The following TCEA1 variants were observed in gnomAD, a reference collection of about 807,000 sequenced individuals.
TCEA1 encodes the protein transcription elongation factor A1.
TCEA1 carries 21 observed loss-of-function variants against 43.8 expected under a neutral mutation model. That is an observed-to-expected ratio of 0.48 (90% CI 0.34 to 0.69). The LOEUF is 0.69. Among genes scored for constraint, TCEA1 ranks in the 30% least tolerant of loss-of-function variants. The probability of loss-of-function intolerance (pLI) is 0.01; values close to 1 mark genes in which losing one functional copy is unlikely to be tolerated. For synonymous variants in TCEA1, 104 were observed against 117.5 expected (o/e 0.88, Z 0.75); for missense variants, 250 against 365.1 (o/e 0.68, Z 2.57).
chr8:54,022,002 C>A (rs1233417006), intron 1 of TCEA1, 61 bp downstream of exon 1: 3 of 1,439,228 alleles, frequency 2.1e-6, no homozygotes, highest in Non-Finnish European at 2.8e-6. Context: ...GAGGGGGCGG[C>A]CCCCTCGGGC....
intron 8 of TCEA1, 92 bp from the exon 9 acceptor site, chr8:53,970,555 A>C: frequency 1.6e-6 from 1 of 633,002 alleles, no homozygotes; most frequent in East Asian, 2.9e-5. Flanking sequence ...TATTTAATAA[A>C]TATAATGGTA....
chr8:54,010,101 C>T (rs1255997016), intron 2 of TCEA1: 1 of 229,172 alleles, frequency 4.4e-6, no homozygotes, highest in Non-Finnish European at 8.4e-6. Context: ...TAGCTTCATG[C>T]TGGCAGCAGC....
At chr8:54,014,232 A>G (rs1213336015) in intron 1 of TCEA1, among the ~76,000 whole-genome samples, 1 of 152,182 alleles carries the variant, frequency 6.6e-6, no homozygotes, top group African/African-American at 2.4e-5. Flanking sequence ...CGCCAGTGGC[A>G]GCACTCCTTT....
At chr8:53,983,532 G>A (rs1339002603) in intron 7 of TCEA1, among the ~76,000 whole-genome samples, 2 of 152,230 alleles carry the variant, frequency 1.3e-5, no homozygotes, top group Non-Finnish European at 2.9e-5. Flanking sequence ...GCTCACGCCT[G>A]TGATCCCAGC....
chr8:53,985,173 T>C (rs10102726), intron 6 of TCEA1, among the ~76,000 whole-genome samples: 25,347 of 151,948 alleles, frequency 0.17, 5,974 homozygotes, highest in African/African-American at 0.53. Context: ...CCTGCCACCA[T>C]GCCCGGCTAA....
chr8:53,975,684 T>C (rs1052238302), intron 8 of TCEA1, among the ~76,000 whole-genome samples: 1 of 152,206 alleles, frequency 6.6e-6, no homozygotes, highest in Non-Finnish European at 1.5e-5. Flanking sequence ...GTACTTGGTA[T>C]AGTCAAATTC....
At chr8:54,009,086 G>A (rs919313974) in intron 2 of TCEA1, among the ~76,000 whole-genome samples, 1 of 151,588 alleles carries the variant, frequency 6.6e-6, no homozygotes, top group Non-Finnish European at 1.5e-5. Flanking sequence ...CTAGCCTCAG[G>A]TGATCCACCC....
intron 9 of TCEA1, 145 bp from the exon 10 acceptor site, chr8:53,968,257 CTATCT>C: frequency 6.9e-6 from 4 of 577,252 alleles, no homozygotes; most frequent in South Asian, 5.1e-5. Context: ...TAATAATCAC[CTATCT>C]TAAGTGCCTG....
chr8:53,976,679 C>G (rs1285665564), intron 8 of TCEA1, among the ~76,000 whole-genome samples: 1 of 141,436 alleles, frequency 7.1e-6, no homozygotes, highest in Admixed American at 6.6e-5. Flanking sequence ...GAAGTTTTAA[C>G]TTTTAAATAA....
In TCEA1 at chr8:53,988,156, A is replaced by T. The variant is rs1803750929; in HGVS notation, c.424T>A (p.Leu142Met). The T allele has an allele frequency of 6.2e-7, 1 of 1,612,446 alleles. No homozygotes were observed. Among genetic ancestry groups the T allele is most frequent in the Admixed American group, 1.7e-5 (1 of 59,898 alleles). ...GCAGCAAGCATCTCCCTACACTTCA[A>T]CCGCACAGAATCAGAAGTGCTTGGT... ...RAPSTSDSVR[L>M]KCREMLAAAL... Residue 142 changes from leucine to methionine, a missense_variant, in exon 5 of 10, where the codon TTG (leucine) becomes ATG (methionine). Physicochemically the swap from Leu to Met is conservative, Grantham distance 15. This residue lies in a region of TCEA1 where 147 missense variants were observed against 160.3 expected (regional missense o/e 0.92). Coordinates refer to ENST00000521604, the MANE Select transcript of TCEA1 (RefSeq NM_006756.4).
intron 1 of TCEA1, among the ~76,000 whole-genome samples, chr8:54,016,211 T>G (rs1804819464): frequency 6.6e-6 from 1 of 152,332 alleles, no homozygotes; most frequent in South Asian, 2.1e-4. Flanking sequence ...GCGCGGTGGC[T>G]CACGCCTGTA....
chr8:53,999,801 C>T (rs1206299750), intron 3 of TCEA1, 144 bp downstream of exon 3: 5 of 614,528 alleles, frequency 8.1e-6, no homozygotes, highest in East Asian at 2.9e-5. Flanking sequence ...TAACTCCCCT[C>T]GCCTTTATTA....
At chr8:54,003,726 T>C (rs1452817109) in intron 2 of TCEA1, among the ~76,000 whole-genome samples, 1 of 151,882 alleles carries the variant, frequency 6.6e-6, no homozygotes, top group Non-Finnish European at 1.5e-5. Flanking sequence ...CTTCATGACC[T>C]TGGATTAGGG....
intron 6 of TCEA1, 37 bp downstream of exon 6, chr8:53,986,932 T>TA (rs761081134): frequency 5.0e-5 from 74 of 1,489,952 alleles, no homozygotes; most frequent in Admixed American, 2.0e-4. Context: ...TATTACTTAT[T>TA]AAAAAAAACA....
intron 3 of TCEA1, among the ~76,000 whole-genome samples, chr8:53,995,784 T>C (rs1407450476): frequency 1.3e-5 from 2 of 152,186 alleles, no homozygotes; most frequent in Non-Finnish European, 2.9e-5. Flanking sequence ...TAATATATAG[T>C]TGTCTGGATG....
intron 2 of TCEA1, among the ~76,000 whole-genome samples, chr8:54,006,743 G>T (rs930025284): frequency 5.9e-5 from 9 of 152,202 alleles, no homozygotes. Flanking sequence ...AAGAGAAGTT[G>T]CTGATCATTA....
chr8:54,004,532 A>G (rs544926046), intron 2 of TCEA1, among the ~76,000 whole-genome samples: 30 of 152,368 alleles, frequency 2.0e-4, no homozygotes, highest in South Asian at 1.2e-3. Context: ...ATCAAAGGTC[A>G]GATACTGTAT....
At chr8:53,973,705 AG>A (rs1803237640) in intron 8 of TCEA1, 1 of 565,514 alleles carries the variant, frequency 1.8e-6, no homozygotes, top group African/African-American at 1.9e-5. Context: ...AAATTATTAG[AG>A]GATGACTTTG....
chr8:53,991,346 T>C (rs577630364), intron 4 of TCEA1, among the ~76,000 whole-genome samples: 2 of 151,740 alleles, frequency 1.3e-5, no homozygotes, highest in Non-Finnish European at 2.9e-5. Context: ...TGAGGCAAGA[T>C]TGTGCCACTG....
Sources: gnomAD v4.1 joint callset for allele counts (sites outside exome capture counted in the v4.1 genomes callset) on GRCh38, gnomAD v4.1.1 for gene constraint, gnomAD v4.1.1 regional missense constraint, MANE v1.5 for transcripts, NCBI Gene and HGNC (gene_info 2026-07-23, HGNC 2026-07-21) for gene names.